The following RIF1 variants were observed in gnomAD, a reference collection of about 807,000 sequenced individuals.
The protein encoded by RIF1 is telomere-associated protein RIF1.
RIF1 carries 45 observed loss-of-function variants against 247.1 expected under a neutral mutation model. The observed-to-expected ratio is 0.18, with a 90% CI of 0.14 to 0.23. The LOEUF (loss-of-function observed/expected upper bound fraction) is 0.23. Among genes scored for constraint, RIF1 ranks in the 10% least tolerant of loss-of-function variants. The pLI is 1.00. For synonymous variants in RIF1, 1,087 were observed against 978.8 expected (o/e 1.11, Z -2.06); for missense variants, 2,967 against 2,862.5 (o/e 1.04, Z -0.83).
chr2:151,418,447 C>T lies in RIF1; in HGVS notation c.503+1546C>T, dbSNP rs144815813. Among the ~76,000 whole-genome samples, 314 of 151,618 alleles carry T rather than the reference C, an allele frequency of 2.1e-3. 1 individual carries two copies. The highest frequency in any genetic ancestry group is 7.0e-3 in the African/African-American group (290 of 41,312). On this transcript the variant is annotated intron_variant, in intron 6 of 35. Coordinates refer to ENST00000444746, the MANE Select transcript of RIF1 (RefSeq NM_018151.5). ...GTTGAACTCCTGACCTCAGGTGGTG[C>T]ACCCACCTCAGCCTCCCAATGTACC...
the RIF1 span, among the ~76,000 whole-genome samples, chr2:151,520,731 G>T: frequency 2.0e-5 from 3 of 151,924 alleles, no homozygotes; most frequent in Admixed American, 2.0e-4. Context: ...GGGCATTGTG[G>T]TGCACCCCTG....
intron 1 of RIF1, 81 bp from the exon 2 acceptor site, chr2:151,410,333 G>C: frequency 5.4e-6 from 6 of 1,112,934 alleles, no homozygotes; most frequent in Non-Finnish European, 7.9e-6. Context: ...GTGCGGGTGT[G>C]AGGGCCGGAC....
chr2:151,439,802 G>A (rs1435329127), intron 14 of RIF1, among the ~76,000 whole-genome samples: 3 of 149,954 alleles, frequency 2.0e-5, no homozygotes, highest in Non-Finnish European at 3.0e-5. Flanking sequence ...TAGCAAACCC[G>A]TCTCTACTAA....
intron 10 of RIF1, among the ~76,000 whole-genome samples, chr2:151,433,966 G>A (rs1416397516): frequency 1.3e-5 from 2 of 151,906 alleles, no homozygotes; most frequent in African/African-American, 4.8e-5. Flanking sequence ...GAGCTCAGGA[G>A]TTTGAGACCA....
At chr2:151,484,113 ATATT>A (rs2049336052), downstream of RIF1, among the ~76,000 whole-genome samples, 1 of 151,980 alleles carries the variant, frequency 6.6e-6, no homozygotes, top group Non-Finnish European at 1.5e-5. Flanking sequence ...TTTTTTCTGA[ATATT>A]TTTGATTCAT....
At chr2:151,468,350 G>A in intron 31 of RIF1, 124 bp from the exon 32 acceptor site, 2 of 875,006 alleles carry the variant, frequency 2.3e-6, no homozygotes, top group Admixed American at 4.6e-5. Flanking sequence ...TGATTAGGTA[G>A]TAGATTACTC....
Position 151,440,143 on chromosome 2 carries a change from G to A in RIF1, c.1647+16G>A, listed in dbSNP as rs776151935. ...AAAAACGCTGGTAAGTATAATACCC[G>A]TATGTTGGACTTTAAAAACCATTTT... On this transcript the variant is annotated intron_variant, in intron 15 of 35. Coordinates refer to ENST00000444746, the MANE Select transcript of RIF1 (RefSeq NM_018151.5). 18 of 1,307,494 alleles carry A rather than the reference G, an allele frequency of 1.4e-5. No homozygotes were observed. Among genetic ancestry groups the A allele is most frequent in the Admixed American group, 2.0e-5 (1 of 49,252 alleles). 81.0% of individuals were successfully genotyped at this position (1,307,494 alleles called of 1,614,324 possible).
chr2:151,514,254 T>C, the RIF1 span: 1 of 1,155,340 alleles, frequency 8.7e-7, no homozygotes, highest in Admixed American at 1.9e-5. Context: ...TTTTCTGGTG[T>C]AATTTGGCTA....
chr2:151,410,614 T>C lies in RIF1; in HGVS notation c.104+87T>C. 2.8e-6 allele frequency: 3 copies of C among 1,084,586 alleles called. No individual in the cohort carries two copies. In the South Asian group the frequency reaches 4.0e-5, roughly 15 times the overall value. The allele number at this position is 1,084,586 out of a possible 1,614,324, so 67.2% of individuals were successfully genotyped here. A position where few individuals can be genotyped will look rare whatever the true frequency, so the allele number is the denominator to read the frequency against. On this transcript the variant is annotated intron_variant, in intron 2 of 35. Coordinates refer to ENST00000444746, the MANE Select transcript of RIF1 (RefSeq NM_018151.5). ...GGTTGGGAGGGGCGCGTAGAATGAA[T>C]GTGAGTTCTAGAAGTCTAGCAAATG...
chr2:151,518,905 A>G, the RIF1 span: 4 of 1,178,896 alleles, frequency 3.4e-6, no homozygotes, highest in Non-Finnish European at 5.1e-6. Context: ...CTGGGCTCAG[A>G]AAGAATTTAG....
the RIF1 span, chr2:151,527,399 T>C: frequency 0.64 from 696,886 of 1,080,720 alleles, 227,551 homozygotes; most frequent in East Asian, 0.8. Context: ...ACACTCATGA[T>C]AGTGGTTATT....
At chr2:151,461,405 T>TC in intron 27 of RIF1, 116 bp downstream of exon 27, 1 of 1,058,944 alleles carries the variant, frequency 9.4e-7, no homozygotes, top group Non-Finnish European at 1.4e-6. Context: ...TTTTTTTTTT[T>TC]TTTTGACACG....
rs759458993 is a variant in RIF1, at chr2:151,463,857, A to T, written c.4337A>T (p.Glu1446Val). Residue 1446 changes from glutamate to valine, a missense_variant, in exon 30 of 36, where the codon GAA (glutamate) becomes GTA (valine). Physicochemically the swap from Glu to Val is moderately radical, Grantham distance 121. This residue lies in a region of RIF1 where 2,028 missense variants were observed against 1,825.6 expected (regional missense o/e 1.11). Coordinates refer to ENST00000444746, the MANE Select transcript of RIF1 (RefSeq NM_018151.5). Reference sequence around the variant, plus strand: ...CATCAAAAAAAGGAACGACGTAAGGAAGAAGAAAAACCTCTTCAGAAGAGT... The same window carrying T: ...CATCAAAAAAAGGAACGACGTAAGGTAGAAGAAAAACCTCTTCAGAAGAGT... ...NSHQKKERRK[E>V]EEKPLQKSPL... The T allele has an allele frequency of 6.2e-7, 1 of 1,612,500 alleles. No homozygotes were observed. Among genetic ancestry groups the T allele is most frequent in the Non-Finnish European group, 8.5e-7 (1 of 1,179,684 alleles).
chr2:151,499,540 G>T, exon 11 of RIF1: 2 of 527,060 alleles, frequency 3.8e-6, no homozygotes, highest in South Asian at 4.8e-5. Context: ...CACAGATCTG[G>T]GTGAGAACAT....
intron 9 of RIF1, among the ~76,000 whole-genome samples, chr2:151,432,789 A>C (rs975058583): frequency 6.6e-6 from 1 of 152,160 alleles, no homozygotes; most frequent in African/African-American, 2.4e-5. Context: ...TTTGTAACCA[A>C]CCTGAAGTAT....
chr2:151,419,916 T>C (rs1396640586), intron 6 of RIF1, among the ~76,000 whole-genome samples: 2 of 152,146 alleles, frequency 1.3e-5, no homozygotes, highest in East Asian at 1.9e-4. Flanking sequence ...TTGAGCATTA[T>C]TGTGAGGTCC....
rs757777064 is a variant in RIF1 at position 151,468,632 on chromosome 2, T to C, written c.6826-9T>C. On this transcript the variant is annotated splice_polypyrimidine_tract_variant and intron_variant, in intron 32 of 35. Coordinates refer to ENST00000444746, the MANE Select transcript of RIF1 (RefSeq NM_018151.5). ...CCTCTGTGTAACAGCTTCTGAAATT[T>C]ATTCTAAGATTTCAGAAATGGCCAA... The C allele has an allele frequency of 1.2e-6, 2 of 1,612,440 alleles. No homozygotes were observed. The highest frequency in any genetic ancestry group is 1.1e-5 in the South Asian group (1 of 91,050).
the RIF1 span, chr2:151,514,933 T>TGTAA: frequency 6.5e-7 from 1 of 1,527,330 alleles, no homozygotes; most frequent in Admixed American, 1.9e-5. Context: ...TTCTTTCTAA[T>TGTAA]GTAAGTAGGA....
Position 151,409,918 on chromosome 2 carries a change from T to C in RIF1, c.-126T>C. The C allele has an allele frequency of 1.4e-6, 1 of 699,752 alleles. No individual in the cohort carries two copies. The highest frequency in any genetic ancestry group is 2.6e-6 in the Non-Finnish European group (1 of 383,590). The allele number at this position is 699,752 out of a possible 1,614,324, so 43.3% of individuals were successfully genotyped here. A position where few individuals can be genotyped will look rare whatever the true frequency, so the allele number is the denominator to read the frequency against. The stretch of plus-strand genomic sequence containing the variant: ...GGCCCGCCCAGCCGCCATCTTGGTC[T>C]AGGAGGGAGCGCGCCGCACGCGTGA... On this transcript the variant is annotated 5_prime_UTR_variant, in exon 1 of 36. Coordinates refer to ENST00000444746, the MANE Select transcript of RIF1 (RefSeq NM_018151.5).
Sources: allele counts gnomAD v4.1 joint callset (sites outside exome capture counted in the v4.1 genomes callset), GRCh38; gene constraint gnomAD v4.1.1; regional missense constraint gnomAD v4.1.1; transcripts MANE v1.5; gene names NCBI Gene and HGNC (gene_info 2026-07-23, HGNC 2026-07-21).